UVRAG: variants seen among roughly 807,000 people sequenced by gnomAD.
The protein encoded by UVRAG is UV radiation resistance-associated gene protein.
In UVRAG, 19 loss-of-function variants were observed where a neutral mutation model predicts 78.0. That is an observed-to-expected ratio of 0.24 (90% CI 0.17 to 0.36). The LOEUF (loss-of-function observed/expected upper bound fraction) is 0.36. Among genes scored for constraint, UVRAG ranks in the 10% least tolerant of loss-of-function variants. The pLI is 1.00. For missense variants in UVRAG, 740 were observed against 853.8 expected (o/e 0.87, Z 1.66); for synonymous variants, 323 against 324.6 (o/e 1.00, Z 0.05).
chr11:75,973,586 C>G (rs567831514), intron 7 of UVRAG, among the ~76,000 whole-genome samples: 1 of 151,928 alleles, frequency 6.6e-6, no homozygotes, highest in African/African-American at 2.4e-5. Flanking sequence ...ACTTTAAGTT[C>G]TAGGGTACAT....
At chr11:76,045,856 T>C (rs1292722907) in intron 12 of UVRAG, among the ~76,000 whole-genome samples, 1 of 152,020 alleles carries the variant, frequency 6.6e-6, no homozygotes, top group Non-Finnish European at 1.5e-5. Flanking sequence ...CAAATAATAA[T>C]GCAAGAAAAT....
At chr11:75,837,613 C>G (rs1389119972) in intron 1 of UVRAG, 1 of 151,968 alleles carries the variant, frequency 6.6e-6, no homozygotes, top group Non-Finnish European at 1.5e-5. Context: ...TTCTGATCAA[C>G]TAGTTGTGAA....
intron 1 of UVRAG, among the ~76,000 whole-genome samples, chr11:75,826,992 G>GT (rs965587613): frequency 2.6e-5 from 4 of 152,190 alleles, no homozygotes; most frequent in South Asian, 2.1e-4. Context: ...AATAGCTGGC[G>GT]TTTTTTCCTA....
At chr11:76,056,363 G>A (rs1229403223) in intron 12 of UVRAG, among the ~76,000 whole-genome samples, 1 of 152,162 alleles carries the variant, frequency 6.6e-6, no homozygotes, top group Non-Finnish European at 1.5e-5. Flanking sequence ...GGGTAAATAC[G>A]CAGGAACAGA....
At chr11:76,125,638 C>A (rs1952373283) in intron 14 of UVRAG, among the ~76,000 whole-genome samples, 1 of 152,324 alleles carries the variant, frequency 6.6e-6, no homozygotes, top group South Asian at 2.1e-4. Flanking sequence ...CCGCCTCTCC[C>A]CTACTCCAGC....
At chr11:75,954,577 C>T (rs1948759240) in intron 6 of UVRAG, among the ~76,000 whole-genome samples, 1 of 152,212 alleles carries the variant, frequency 6.6e-6, no homozygotes, top group Non-Finnish European at 1.5e-5. Context: ...CCACACTGAT[C>T]TTCCAATTAA....
intron 4 of UVRAG, among the ~76,000 whole-genome samples, chr11:75,885,083 C>CTA (rs1947046769): frequency 6.6e-6 from 1 of 151,832 alleles, no homozygotes; most frequent in African/African-American, 2.4e-5. Context: ...AGATTTATAC[C>CTA]TATAGATTTT....
chr11:75,898,134 G>C lies in UVRAG; in HGVS notation c.507+9231G>C, dbSNP rs529102588. Among the ~76,000 whole-genome samples the C allele has an allele frequency of 2.8e-4, 43 of 152,232 alleles. No individual in the cohort carries two copies. In the South Asian group the frequency reaches 8.9e-3, roughly 32 times the overall value. ...TCCACCCGCCTCGGCCTCCCAAAGTGCTGGGATTACAGGCGTGAGCCACTG... is the reference window on the plus strand; with the variant it reads ...TCCACCCGCCTCGGCCTCCCAAAGTCCTGGGATTACAGGCGTGAGCCACTG... On this transcript the variant is annotated intron_variant, in intron 5 of 14. Coordinates refer to ENST00000356136, the MANE Select transcript of UVRAG (RefSeq NM_003369.4).
chr11:76,108,136 A>T (rs971224756), intron 13 of UVRAG, among the ~76,000 whole-genome samples: 1 of 152,160 alleles, frequency 6.6e-6, no homozygotes, highest in Non-Finnish European at 1.5e-5. Flanking sequence ...TATGGAACTA[A>T]TAAGTCAGGC....
At chr11:76,046,277 A>G (rs1481981291) in intron 12 of UVRAG, among the ~76,000 whole-genome samples, 1 of 152,186 alleles carries the variant, frequency 6.6e-6, no homozygotes, top group Non-Finnish European at 1.5e-5. Context: ...TAAGAAGAAA[A>G]CATTATTCAT....
chr11:75,912,881 T>C lies in UVRAG; in HGVS notation c.593+842T>C, dbSNP rs80208368. ...AACTTGAATCTTATTACACATGATA[T>C]AGAGTTTGGTCACATGGACTGTGTC... is the stretch of plus-strand genomic sequence containing the variant. On this transcript the variant is annotated intron_variant, in intron 6 of 14. Coordinates refer to ENST00000356136, the MANE Select transcript of UVRAG (RefSeq NM_003369.4). Among the ~76,000 whole-genome samples, 533 of 152,336 alleles carry C rather than the reference T, an allele frequency of 3.5e-3. 3 individuals are homozygous for C. Among genetic ancestry groups the C allele is most frequent in the African/African-American group, 0.012 (504 of 41,574 alleles).
intron 14 of UVRAG, among the ~76,000 whole-genome samples, chr11:76,131,150 C>T (rs1458334265): frequency 6.6e-6 from 1 of 152,128 alleles, no homozygotes; most frequent in Non-Finnish European, 1.5e-5. Context: ...TTACAGTCCT[C>T]ATAATGTTGG....
intron 14 of UVRAG, among the ~76,000 whole-genome samples, chr11:76,129,209 G>C (rs896965911): frequency 5.9e-5 from 9 of 152,238 alleles, no homozygotes; most frequent in African/African-American, 2.2e-4. Flanking sequence ...AGCAGTTTTA[G>C]AAGTCCTGCT....
In UVRAG at chr11:75,817,737, C is replaced by G. The variant is rs1945288786; in HGVS notation, c.117+2213C>G. 2.0e-5 allele frequency among the ~76,000 whole-genome samples: 3 copies of G among 151,780 alleles called. No homozygotes were observed. In the South Asian group the frequency reaches 6.2e-4, roughly 32 times the overall value. ...CAAGGGAACAGTTATGTAAGTACTA[C>G]CCAGATTAAGAGATACAAAATTTTG... On this transcript the variant is annotated intron_variant, in intron 1 of 14. Coordinates refer to ENST00000356136, the MANE Select transcript of UVRAG (RefSeq NM_003369.4).
intron 13 of UVRAG, among the ~76,000 whole-genome samples, chr11:76,098,592 C>T (rs188701713): frequency 3.9e-5 from 6 of 152,286 alleles, no homozygotes; most frequent in East Asian, 3.8e-4. Context: ...TAGAAGACCA[C>T]ATCATTGTTT....
chr11:76,122,817 T>A (rs994447470), intron 14 of UVRAG, among the ~76,000 whole-genome samples: 3 of 152,172 alleles, frequency 2.0e-5, no homozygotes, highest in Non-Finnish European at 4.4e-5. Context: ...GCCTACAAAC[T>A]TTTTTTGGTA....
At position 76,076,301 on chromosome 11, in the gene UVRAG, A is replaced by G. The variant is rs566960540; in HGVS notation, c.1305+10513A>G. 4.9e-4 allele frequency among the ~76,000 whole-genome samples: 75 copies of G among 152,290 alleles called. 2 individuals are homozygous for G. In the South Asian group the frequency reaches 0.015, roughly 30 times the overall value. On this transcript the variant is annotated intron_variant, in intron 13 of 14. Coordinates refer to ENST00000356136, the MANE Select transcript of UVRAG (RefSeq NM_003369.4). ...TTTATAAAGGAAAGAGGCTTAATGG[A>G]CTCACAGATCCACATGACTAGGGAG... is the stretch of plus-strand genomic sequence containing the variant.
At chr11:75,924,622 T>C (rs1948052909) in intron 6 of UVRAG, among the ~76,000 whole-genome samples, 1 of 152,068 alleles carries the variant, frequency 6.6e-6, no homozygotes, top group South Asian at 2.1e-4. Context: ...TCTCCTGACC[T>C]CGTGATCCAC....
At chr11:75,822,299 A>G (rs569154828) in intron 1 of UVRAG, among the ~76,000 whole-genome samples, 1 of 152,192 alleles carries the variant, frequency 6.6e-6, no homozygotes, top group Non-Finnish European at 1.5e-5. Flanking sequence ...AGCATATGAT[A>G]GGAAAGGCAA....
Sources: allele counts gnomAD v4.1 joint callset (sites outside exome capture counted in the v4.1 genomes callset), GRCh38; gene constraint gnomAD v4.1.1; transcripts MANE v1.5; gene names NCBI Gene and HGNC (gene_info 2026-07-23, HGNC 2026-07-21).